The following BEGAIN variants were observed in gnomAD, a reference collection of about 807,000 sequenced individuals.
BEGAIN encodes the protein brain enriched guanylate kinase associated.
In BEGAIN, 19 loss-of-function variants were observed where a neutral mutation model predicts 35.8. That is an observed-to-expected ratio of 0.53 (90% CI 0.37 to 0.78). The LOEUF (loss-of-function observed/expected upper bound fraction) is 0.78, where lower values mean the gene tolerates loss of function less well. Ranked by LOEUF, BEGAIN falls within the 30% of genes least tolerant of loss-of-function variation. BEGAIN has a pLI of 0.00. For synonymous variants in BEGAIN, 462 were observed against 388.6 expected (o/e 1.19, Z -2.22); for missense variants, 795 against 853.6 (o/e 0.93, Z 0.85).
Position 100,542,790 on chromosome 14 carries a change from T to G in BEGAIN, c.408+1068A>C, listed in dbSNP as rs145998138. Among the ~76,000 whole-genome samples the G allele has an allele frequency of 1.7e-3, 253 of 152,330 alleles. 12 individuals carry two copies. In the East Asian group the frequency reaches 0.04, roughly 24 times the overall value. ...CCTGGCCTCCTCCTGATCTTCCTGC[T>G]CCTGTCCTCGTCCCTACAGCCTGTT... is the stretch of plus-strand genomic sequence containing the variant. On this transcript the variant is annotated intron_variant, in intron 5 of 6. Coordinates refer to ENST00000554140, the MANE Select transcript of BEGAIN (RefSeq NM_001385089.1).
In BEGAIN at chr14:100,571,714, C is replaced by T. The variant is rs1009552534; in HGVS notation, c.43-3775G>A. On this transcript the variant is annotated intron_variant, in intron 1 of 6. Transcript: ENST00000554140. ...AGGGGTTGGTAAATACTGACCTGGC[C>T]CTGCCAAATCATCCGACCCCCATGC... Among the ~76,000 whole-genome samples the T allele has an allele frequency of 9.9e-5, 15 of 152,086 alleles. 1 individual carries two copies. Among genetic ancestry groups the T allele is most frequent in the African/African-American group, 3.6e-4 (15 of 41,398 alleles).
chr14:100,564,722 C>A (rs1432453930), intron 2 of BEGAIN, among the ~76,000 whole-genome samples: 2 of 152,118 alleles, frequency 1.3e-5, no homozygotes, highest in African/African-American at 2.4e-5. Flanking sequence ...CCCTACTGTG[C>A]GCCAGCCTCT....
rs756725422 is a variant in BEGAIN at position 100,539,127 on chromosome 14, G to C, written c.681C>G (p.Ala227=). 6.2e-7 allele frequency: 1 copy of C among 1,606,002 alleles called. No homozygotes were observed. Among genetic ancestry groups the C allele is most frequent in the Non-Finnish European group, 8.5e-7 (1 of 1,174,762 alleles). ...CTGGTTTCTCCACCCCGTCGCAGAAGGCCAGGTCGCGGGCGGAGGCATCGG... is the reference window on the plus strand; with the variant it reads ...CTGGTTTCTCCACCCCGTCGCAGAACGCCAGGTCGCGGGCGGAGGCATCGG... ...RLSDASARDL[A]FCDGVEKPGP... is the part of the protein sequence containing the mutation. The change falls in exon 7 of 7, where the codon GCC becomes GCG. Residue 227 remains alanine (A), a synonymous_variant. Transcript: ENST00000554140.
chr14:100,542,853 C>T (rs184150769), intron 5 of BEGAIN, among the ~76,000 whole-genome samples: 4 of 152,360 alleles, frequency 2.6e-5, no homozygotes, highest in East Asian at 3.9e-4. Context: ...GGAAGCTGCA[C>T]GTGCAATCAC....
Position 100,578,957 on chromosome 14 carries a change from T to G in BEGAIN, c.42+8292A>C, listed in dbSNP as rs1208724830. ...GCTCACTGCAACTTCCGCTCCCAGA[T>G]TCAAGCAATTCTCCTGCCTCAGCTT... On this transcript the variant is annotated intron_variant, in intron 1 of 6. Transcript: ENST00000554140. Among the ~76,000 whole-genome samples the G allele has an allele frequency of 2.0e-5, 3 of 151,430 alleles. No individual in the cohort carries two copies. The East Asian group carries it at 5.9e-4, about 30-fold the overall frequency.
Position 100,546,668 on chromosome 14 carries a change from A to G in BEGAIN, c.72-6T>C. The G allele has an allele frequency of 6.4e-7, 1 of 1,553,828 alleles. No homozygotes were observed. The highest frequency in any genetic ancestry group is 8.7e-7 in the Non-Finnish European group (1 of 1,155,078). ...CCTTCTGCTCCTGCAGCGCGCTGCA[A>G]CGACATGGCGGCGGCGGGCCGGGCC... On this transcript the variant is annotated splice_polypyrimidine_tract_variant and splice_region_variant and intron_variant, in intron 2 of 6. Coordinates refer to ENST00000554140, the MANE Select transcript of BEGAIN (RefSeq NM_001385089.1).
In BEGAIN at chr14:100,563,436, C is replaced by T. The variant is rs553823613; in HGVS notation, c.71+4475G>A. ...TAAGAACTTTTGTTCATAGAAGGAC[C>T]GTGTGAACAGCGAGACGCGGCGTCC... On this transcript the variant is annotated intron_variant, in intron 2 of 6. Transcript: ENST00000554140. The surrounding 1 kb of genome is among the most constrained non-coding windows in gnomAD (Gnocchi z 4.2). Among the ~76,000 whole-genome samples, 9 of 152,306 alleles carry T rather than the reference C, an allele frequency of 5.9e-5. No individual in the cohort carries two copies. Among genetic ancestry groups the T allele is most frequent in the African/African-American group, 1.9e-4 (8 of 41,556 alleles).
At position 100,568,619 on chromosome 14, in the gene BEGAIN, G is replaced by T. The variant is rs1468426863; in HGVS notation, c.43-680C>A. The T allele has an allele frequency of 1.1e-6, 1 of 933,582 alleles. No individual in the cohort carries two copies. The highest frequency in any genetic ancestry group is 1.4e-6 in the Non-Finnish European group (1 of 701,482). 57.8% of individuals were successfully genotyped at this position (933,582 alleles called of 1,614,324 possible). A position where few individuals can be genotyped will look rare whatever the true frequency, so the allele number is the denominator to read the frequency against. On this transcript the variant is annotated intron_variant, in intron 1 of 6. Coordinates refer to ENST00000554140, the MANE Select transcript of BEGAIN (RefSeq NM_001385089.1). The surrounding 1 kb of genome is among the most constrained non-coding windows in gnomAD (Gnocchi z 7.5). ...TGCTTGCGCAGACCCGCCCGCGCGC[G>T]GCTTGGAGACCCTCCCTGCCCAGCC...
Position 100,572,184 on chromosome 14 carries a change from C to T in BEGAIN, c.43-4245G>A, listed in dbSNP as rs1477260644. 5.3e-5 allele frequency among the ~76,000 whole-genome samples: 8 copies of T among 152,180 alleles called. No individual in the cohort carries two copies. In the South Asian group the frequency reaches 1.0e-3, roughly 20 times the overall value. ...CACAGAGCCCCTTGGTACCGGGCAT[C>T]GTATCTTCGCAGAGCTCTGCCCTGG... On this transcript the variant is annotated intron_variant, in intron 1 of 6. Coordinates refer to ENST00000554140, the MANE Select transcript of BEGAIN (RefSeq NM_001385089.1).
At chr14:100,550,336 G>A (rs2033059923) in intron 2 of BEGAIN, 2 of 398,494 alleles carry the variant, frequency 5.0e-6, no homozygotes, top group Non-Finnish European at 8.9e-6. Context: ...ATCTGTCTCG[G>A]GGAGTTGGAC....
chr14:100,545,312 C>G (rs574924214), intron 3 of BEGAIN: 1 of 1,345,974 alleles, frequency 7.4e-7, no homozygotes, highest in African/African-American at 1.5e-5. Flanking sequence ...ACCCCGGGAC[C>G]CCCTGAAGAT....
intron 1 of BEGAIN, among the ~76,000 whole-genome samples, chr14:100,584,028 G>A (rs545181913): frequency 5.3e-5 from 8 of 152,168 alleles, no homozygotes; most frequent in South Asian, 2.1e-4. Flanking sequence ...CCATCCATCC[G>A]CTGCTCTATC....
rs963351452 is a variant in BEGAIN at position 100,568,613 on chromosome 14, G to A, written c.43-674C>T. 125 of 996,990 alleles carry A rather than the reference G, an allele frequency of 1.3e-4. No individual in the cohort carries two copies. Among genetic ancestry groups the A allele is most frequent in the Non-Finnish European group, 1.6e-4 (119 of 757,666 alleles). The allele number at this position is 996,990 out of a possible 1,614,324, so 61.8% of individuals were successfully genotyped here. On this transcript the variant is annotated intron_variant, in intron 1 of 6. Coordinates refer to ENST00000554140, the MANE Select transcript of BEGAIN (RefSeq NM_001385089.1). The surrounding 1 kb of genome is among the most constrained non-coding windows in gnomAD (Gnocchi z 7.5). ...CTGCCTTGCTTGCGCAGACCCGCCC[G>A]CGCGCGGCTTGGAGACCCTCCCTGC...
intron 1 of BEGAIN, among the ~76,000 whole-genome samples, chr14:100,582,812 T>C (rs915308916): frequency 6.6e-6 from 1 of 152,034 alleles, no homozygotes; most frequent in Admixed American, 6.6e-5. Context: ...TAGCTGTTAG[T>C]TTGGGTTGGC....
In BEGAIN at chr14:100,573,977, G is replaced by A. The variant is rs2035146716; in HGVS notation, c.43-6038C>T. On this transcript the variant is annotated intron_variant, in intron 1 of 6. Coordinates refer to ENST00000554140, the MANE Select transcript of BEGAIN (RefSeq NM_001385089.1). The surrounding 1 kb of genome is among the most constrained non-coding windows in gnomAD (Gnocchi z 4.2). Reference sequence around the variant, plus strand: ...AGGTGGGAGGAGAGTCTGCATTAAGGGTGGAGGTGGTCCTTCGGGGGCTGT... The same window carrying A: ...AGGTGGGAGGAGAGTCTGCATTAAGAGTGGAGGTGGTCCTTCGGGGGCTGT... Among the ~76,000 whole-genome samples, 1 of 152,098 alleles carries A rather than the reference G, an allele frequency of 6.6e-6. No homozygotes were observed. Among genetic ancestry groups the A allele is most frequent in the Admixed American group, 6.5e-5 (1 of 15,280 alleles).
At chr14:100,561,997 T>G (rs2034297690) in intron 2 of BEGAIN, among the ~76,000 whole-genome samples, 1 of 152,100 alleles carries the variant, frequency 6.6e-6, no homozygotes, top group South Asian at 2.1e-4. Context: ...CCTGAGCCCC[T>G]AGCTGCAAAG....
intron 1 of BEGAIN, among the ~76,000 whole-genome samples, chr14:100,585,867 C>T (rs2035433832): frequency 6.6e-6 from 1 of 152,264 alleles, no homozygotes; most frequent in African/African-American, 2.4e-5. Flanking sequence ...CTGGGGAGGG[C>T]CCTTGGCGGC....
intron 2 of BEGAIN, among the ~76,000 whole-genome samples, chr14:100,559,017 T>C (rs2034008867): frequency 6.6e-6 from 1 of 151,608 alleles, no homozygotes; most frequent in Non-Finnish European, 1.5e-5. Flanking sequence ...GGGCCTGGGG[T>C]CAGCTGGCAG....
chr14:100,546,457 C>CG lies in BEGAIN; in HGVS notation c.233+43dup, dbSNP rs2032463338. 5.2e-5 allele frequency: 26 copies of CG among 501,122 alleles called. 4 individuals carry two copies. Among genetic ancestry groups the CG allele is most frequent in the Admixed American group, 3.0e-4 (3 of 9,926 alleles). 31.0% of individuals were successfully genotyped at this position (501,122 alleles called of 1,614,324 possible). On this transcript the variant is annotated intron_variant, in intron 3 of 6. Coordinates refer to ENST00000554140, the MANE Select transcript of BEGAIN (RefSeq NM_001385089.1). Reference sequence around the variant, plus strand: ...CCTCGCCCCGCCCCGGCCCTCGCCCCGCCCCGGCCCTCGCCCCGCCCCGGC... The same window carrying CG: ...CCTCGCCCCGCCCCGGCCCTCGCCCCGGCCCCGGCCCTCGCCCCGCCCCGGC...
Sources: gnomAD v4.1 joint callset for allele counts (sites outside exome capture counted in the v4.1 genomes callset) on GRCh38, gnomAD v4.1.1 for gene constraint, Gnocchi (gnomAD v3.1) non-coding constraint, MANE v1.5 for transcripts, NCBI Gene and HGNC (gene_info 2026-07-23, HGNC 2026-07-21) for gene names.